The following MYBL1 variants were observed in gnomAD, a reference collection of about 807,000 sequenced individuals.
MYBL1 encodes the protein myb-related protein A.
In MYBL1, 17 loss-of-function variants were observed where a neutral mutation model predicts 96.3. The observed-to-expected ratio is 0.18, with a 90% confidence interval of 0.12 to 0.26. The LOEUF (loss-of-function observed/expected upper bound fraction) is 0.26, where lower values mean the gene tolerates loss of function less well. MYBL1 is among the 10% of genes least tolerant of loss of function. The pLI, the probability that MYBL1 is intolerant of heterozygous loss-of-function variation, is 1.00. For synonymous variants in MYBL1, 282 were observed against 292.7 expected (o/e 0.96, Z 0.37); for missense variants, 701 against 882.9 (o/e 0.79, Z 2.61).
chr8:66,611,747 C>T (rs563593467), intron 1 of MYBL1, among the ~76,000 whole-genome samples: 6 of 152,286 alleles, frequency 3.9e-5, no homozygotes, highest in South Asian at 4.1e-4. Flanking sequence ...ACAGCAGATG[C>T]TTAACAGAAA....
intron 8 of MYBL1, among the ~76,000 whole-genome samples, chr8:66,583,587 A>G (rs924806720): frequency 1.1e-4 from 16 of 149,730 alleles, no homozygotes; most frequent in Non-Finnish European, 3.0e-5. Context: ...ACTAACCAAG[A>G]AAAAAAAAAG....
chr8:66,599,767 T>C (rs1586593271), intron 3 of MYBL1, among the ~76,000 whole-genome samples: 1 of 151,582 alleles, frequency 6.6e-6, no homozygotes, highest in East Asian at 1.9e-4. Flanking sequence ...ACCATTGCAT[T>C]CCAACCTAGG....
At chr8:66,588,719 T>A (rs1354475193) in intron 8 of MYBL1, among the ~76,000 whole-genome samples, 2 of 152,090 alleles carry the variant, frequency 1.3e-5, no homozygotes, top group East Asian at 3.8e-4. Context: ...GTCACATAAC[T>A]GTTTAGGAAA....
intron 9 of MYBL1, among the ~76,000 whole-genome samples, chr8:66,577,502 T>C (rs1380705264): frequency 3.3e-5 from 5 of 152,092 alleles, no homozygotes; most frequent in South Asian, 4.2e-4. Flanking sequence ...AATAAAATAC[T>C]TAGGAATCCA....
chr8:66,583,093 G>A (rs1312370214), intron 8 of MYBL1, among the ~76,000 whole-genome samples: 1 of 152,014 alleles, frequency 6.6e-6, no homozygotes, highest in East Asian at 1.9e-4. Context: ...CACGTATTAG[G>A]CCACAAAATA....
chr8:66,612,964 G>A lies in MYBL1; in HGVS notation c.-126C>T. The A allele has an allele frequency of 9.0e-7, 1 of 1,113,168 alleles. No individual in the cohort carries two copies. Among genetic ancestry groups the A allele is most frequent in the Non-Finnish European group, 1.2e-6 (1 of 845,900 alleles). The allele number at this position is 1,113,168 out of a possible 1,614,324, so 69.0% of individuals were successfully genotyped here. A position where few individuals can be genotyped will look rare whatever the true frequency, so the allele number is the denominator to read the frequency against. On this transcript the variant is annotated 5_prime_UTR_variant, in exon 1 of 16. Coordinates refer to ENST00000522677, the MANE Select transcript of MYBL1 (RefSeq NM_001080416.4). The stretch of plus-strand genomic sequence containing the variant: ...TCGCTCCCTCTGGAGGCGGCCGAGT[G>A]CGGAACGCACGTCCTCGACAGGGCA...
At chr8:66,590,601 CAA>C (rs983941485) in intron 8 of MYBL1, among the ~76,000 whole-genome samples, 6 of 65,218 alleles carry the variant, frequency 9.2e-5, no homozygotes, top group Admixed American at 3.5e-4. Flanking sequence ...CTTAGCTAAT[CAA>C]AAAAAAAAAA....
chr8:66,580,225 G>T lies in MYBL1; in HGVS notation c.1009C>A (p.Pro337Thr). ...NQPVSAQQNS[P>T]TKFLAVEANA... ...GCCTCCACGGCCAGGAACTTTGTGG[G>T]TGAATTCTGCTGAGCAGACACAGGC... is the stretch of plus-strand genomic sequence containing the variant. Residue 337 changes from proline (P) to threonine (T), a missense_variant, in exon 9 of 16, where the codon CCC (proline) becomes ACC (threonine). Transcript: ENST00000522677. 1 of 1,613,920 alleles carries T rather than the reference G, an allele frequency of 6.2e-7. No individual in the cohort carries two copies. Among genetic ancestry groups the T allele is most frequent in the Non-Finnish European group, 8.5e-7 (1 of 1,179,858 alleles).
At chr8:66,607,200 C>T (rs2130062910) in intron 1 of MYBL1, among the ~76,000 whole-genome samples, 1 of 151,916 alleles carries the variant, frequency 6.6e-6, no homozygotes, top group South Asian at 2.1e-4. Flanking sequence ...TTTCAGCTAT[C>T]AGAAATATCA....
Position 66,563,614 on chromosome 8 carries a change from C to G in MYBL1, c.*1083G>C, listed in dbSNP as rs1808397399. The G allele has an allele frequency of 6.6e-6, 1 of 152,224 alleles. No individual in the cohort carries two copies. 9.4% of individuals were successfully genotyped at this position (152,224 alleles called of 1,614,324 possible). ...CAGACTGTTTTTAGGGACCAAGGTA[C>G]CATATTATTTTTTAAACAAAATGCA... On this transcript the variant is annotated 3_prime_UTR_variant, in exon 16 of 16. Transcript: ENST00000522677.
intron 1 of MYBL1, among the ~76,000 whole-genome samples, chr8:66,603,619 T>G: frequency 6.6e-6 from 1 of 151,942 alleles, no homozygotes; most frequent in East Asian, 1.9e-4. Context: ...GTCTCCCGAG[T>G]AGCTGGGACT....
chr8:66,564,651 G>T lies in MYBL1; in HGVS notation c.*46C>A. On this transcript the variant is annotated 3_prime_UTR_variant, in exon 16 of 16. Transcript: ENST00000522677. Reference sequence around the variant, plus strand: ...AATTTCACTGCAACCTAATTTAGTAGAGACTGCAGTAAGGGAGTGGGGCAT... The same window carrying T: ...AATTTCACTGCAACCTAATTTAGTATAGACTGCAGTAAGGGAGTGGGGCAT... 1 of 1,464,370 alleles carries T rather than the reference G, an allele frequency of 6.8e-7. No homozygotes were observed. The highest frequency in any genetic ancestry group is 1.4e-5 in the African/African-American group (1 of 70,574). The allele number at this position is 1,464,370 out of a possible 1,614,324, so 90.7% of individuals were successfully genotyped here. A position where few individuals can be genotyped will look rare whatever the true frequency, so the allele number is the denominator to read the frequency against.
chr8:66,602,050 ATT>A (rs938946090), intron 2 of MYBL1, among the ~76,000 whole-genome samples: 2 of 148,828 alleles, frequency 1.3e-5, no homozygotes, highest in African/African-American at 2.5e-5. Context: ...CTATAGCAGC[ATT>A]TTTTTTTTGT....
At chr8:66,567,306 T>G (rs1808543073) in intron 12 of MYBL1, among the ~76,000 whole-genome samples, 1 of 151,974 alleles carries the variant, frequency 6.6e-6, no homozygotes, top group Non-Finnish European at 1.5e-5. Flanking sequence ...ATTTCTCAAG[T>G]TTTTTTTACA....
chr8:66,604,539 T>A (rs887970601), intron 1 of MYBL1, among the ~76,000 whole-genome samples: 2 of 151,956 alleles, frequency 1.3e-5, no homozygotes, highest in African/African-American at 4.8e-5. Flanking sequence ...GGTGTCCTAC[T>A]TTACAATAAA....
chr8:66,610,336 CA>C (rs1454660824), intron 1 of MYBL1, among the ~76,000 whole-genome samples: 6 of 151,468 alleles, frequency 4.0e-5, no homozygotes, highest in Non-Finnish European at 5.9e-5. Flanking sequence ...TCTTAAAGAT[CA>C]AAACAGCTAA....
At chr8:66,599,941 T>C (rs941437964) in intron 3 of MYBL1, among the ~76,000 whole-genome samples, 12 of 152,216 alleles carry the variant, frequency 7.9e-5, no homozygotes, top group African/African-American at 1.2e-4. Context: ...TTATAAATTA[T>C]GATTCCAAGT....
intron 12 of MYBL1, 151 bp downstream of exon 12, chr8:66,572,331 A>C (rs1563528071): frequency 9.4e-5 from 39 of 412,720 alleles, no homozygotes; most frequent in East Asian, 1.6e-4. Context: ...AAAAAAAAAC[A>C]AAAAAAAAAC....
intron 1 of MYBL1, among the ~76,000 whole-genome samples, chr8:66,607,675 T>A (rs1431658354): frequency 6.6e-6 from 1 of 150,950 alleles, no homozygotes; most frequent in African/African-American, 2.5e-5. Flanking sequence ...GCATTCTTAT[T>A]TGTTAAAGAA....
Sources: gnomAD v4.1 joint callset for allele counts (sites outside exome capture counted in the v4.1 genomes callset) on GRCh38, gnomAD v4.1.1 for gene constraint, MANE v1.5 for transcripts, NCBI Gene and HGNC (gene_info 2026-07-23, HGNC 2026-07-21) for gene names.